The following UBAC2 variants were observed in gnomAD, a reference collection of about 807,000 sequenced individuals.
UBAC2 encodes UBA domain containing 2.
UBAC2 carries 26 observed loss-of-function variants against 44.0 expected under a neutral mutation model. The ratio of observed to expected loss-of-function variants is 0.59; its 90% CI spans 0.43 to 0.82. UBAC2 has a LOEUF of 0.82. Among genes scored for constraint, UBAC2 ranks in the 40% least tolerant of loss-of-function variants. The pLI, the probability that UBAC2 is intolerant of heterozygous loss-of-function variation, is 0.00. For missense variants in UBAC2, 329 were observed against 419.4 expected (o/e 0.78, Z 1.88); for synonymous variants, 155 against 154.3 (o/e 1.00, Z -0.04).
chr13:99,259,657 TTA>T (rs902188620), intron 4 of UBAC2, among the ~76,000 whole-genome samples: 2 of 152,338 alleles, frequency 1.3e-5, no homozygotes, highest in East Asian at 1.9e-4. Flanking sequence ...CATCAGTTTT[TTA>T]TATGTGATGT....
chr13:99,252,136 G>C (rs2043465754), intron 4 of UBAC2, among the ~76,000 whole-genome samples: 1 of 152,242 alleles, frequency 6.6e-6, no homozygotes, highest in Non-Finnish European at 1.5e-5. Flanking sequence ...TGGTCATCCA[G>C]CTTTCTTCGC....
intron 4 of UBAC2, among the ~76,000 whole-genome samples, chr13:99,256,165 T>A (rs561151086): frequency 1.8e-4 from 28 of 152,318 alleles, no homozygotes; most frequent in Admixed American, 9.8e-4. Context: ...TTTACTGAAT[T>A]GATGAATAAA....
intron 1 of UBAC2, among the ~76,000 whole-genome samples, chr13:99,235,345 G>A (rs2043221315): frequency 6.6e-6 from 1 of 152,078 alleles, no homozygotes; most frequent in Admixed American, 6.5e-5. Context: ...TTGTTAAAAT[G>A]GCAATACTAC....
rs1188120716 is a variant in UBAC2 at position 99,341,819 on chromosome 13, T to C, written c.807+1254T>C. Among the ~76,000 whole-genome samples the C allele has an allele frequency of 2.6e-5, 4 of 152,068 alleles. No homozygotes were observed. The South Asian group carries it at 8.3e-4, about 31-fold the overall frequency. On this transcript the variant is annotated intron_variant, in intron 7 of 8. Transcript: ENST00000403766. ...CAAGGTCAGAAAAACTGAGTAGTGA[T>C]TGAGTATAAAGGTAGAGGCACAGAG...
chr13:99,302,600 T>C (rs984130984), intron 4 of UBAC2, among the ~76,000 whole-genome samples: 1 of 152,186 alleles, frequency 6.6e-6, no homozygotes, highest in African/African-American at 2.4e-5. Context: ...CAACTAGTGA[T>C]TTTTCTCATC....
At chr13:99,208,547 C>A (rs1238799085) in intron 1 of UBAC2, among the ~76,000 whole-genome samples, 1 of 152,206 alleles carries the variant, frequency 6.6e-6, no homozygotes, top group Non-Finnish European at 1.5e-5. Flanking sequence ...GTGTCCAGTT[C>A]AATATATTAA....
intron 1 of UBAC2, among the ~76,000 whole-genome samples, chr13:99,233,072 C>T (rs1000338690): frequency 1.3e-5 from 2 of 151,866 alleles, no homozygotes; most frequent in African/African-American, 4.8e-5. Context: ...GCATTGGGAC[C>T]CAGAAAATTA....
rs144808865 is a variant in UBAC2 at position 99,274,587 on chromosome 13, A to G, written c.389+29963A>G. 5.6e-3 allele frequency among the ~76,000 whole-genome samples: 857 copies of G among 152,208 alleles called. 5 individuals are homozygous for G. The highest frequency in any genetic ancestry group is 9.1e-3 in the Non-Finnish European group (621 of 67,992). ...GTGATCCTCCTGCCTTGGCCTTCCA[A>G]AGTGTTAGGATTACAGGCATGAGGC... is the stretch of plus-strand genomic sequence containing the variant. On this transcript the variant is annotated intron_variant, in intron 4 of 8. Coordinates refer to ENST00000403766, the MANE Select transcript of UBAC2 (RefSeq NM_001144072.2).
intron 4 of UBAC2, among the ~76,000 whole-genome samples, chr13:99,310,883 G>A (rs573060172): frequency 1.5e-4 from 23 of 152,142 alleles, no homozygotes; most frequent in African/African-American, 2.4e-5. Context: ...CGCCTCCAAG[G>A]GCATGTTCTG....
intron 6 of UBAC2, among the ~76,000 whole-genome samples, chr13:99,331,569 T>C (rs1371907687): frequency 6.6e-6 from 1 of 152,234 alleles, no homozygotes; most frequent in Non-Finnish European, 1.5e-5. Flanking sequence ...TCATATGAGA[T>C]AGAAAAGCTA....
chr13:99,255,353 T>G (rs1473166759), intron 4 of UBAC2: 5 of 1,614,056 alleles, frequency 3.1e-6, no homozygotes, highest in Non-Finnish European at 4.2e-6. Flanking sequence ...TCAGAAATCT[T>G]GAGGCAGGTG....
chr13:99,236,777 G>T (rs576140143), intron 1 of UBAC2, among the ~76,000 whole-genome samples: 1 of 152,192 alleles, frequency 6.6e-6, no homozygotes, highest in South Asian at 2.1e-4. Flanking sequence ...TTGAATCCGG[G>T]GGGCAGAGGT....
At chr13:99,242,874 G>A (rs1324992213) in intron 2 of UBAC2, among the ~76,000 whole-genome samples, 1 of 148,134 alleles carries the variant, frequency 6.8e-6, no homozygotes, top group African/African-American at 2.5e-5. Flanking sequence ...TCCCAGACGG[G>A]GCGGCGGGGC....
intron 1 of UBAC2, among the ~76,000 whole-genome samples, chr13:99,224,479 G>A (rs545448751): frequency 3.0e-4 from 46 of 152,048 alleles, no homozygotes; most frequent in Non-Finnish European, 5.1e-4. Flanking sequence ...CTATATTTGT[G>A]GATTTATCTA....
chr13:99,354,744 T>C (rs894690583), intron 7 of UBAC2, among the ~76,000 whole-genome samples: 3 of 152,124 alleles, frequency 2.0e-5, no homozygotes, highest in African/African-American at 7.3e-5. Context: ...GGGTTTTTGG[T>C]TGAGGCAGTG....
chr13:99,210,656 T>C (rs2042928003), intron 1 of UBAC2, among the ~76,000 whole-genome samples: 4 of 152,104 alleles, frequency 2.6e-5, no homozygotes, highest in Admixed American at 2.6e-4. Context: ...TTTGTGTTTT[T>C]AGTAGAGACG....
intron 7 of UBAC2, among the ~76,000 whole-genome samples, chr13:99,350,988 A>G (rs1363522146): frequency 6.6e-6 from 1 of 152,214 alleles, no homozygotes; most frequent in East Asian, 1.9e-4. Context: ...GTGTGAGTGT[A>G]GAAAGGAAGA....
At chr13:99,254,102 A>G (rs1050440936) in intron 4 of UBAC2, among the ~76,000 whole-genome samples, 6 of 152,210 alleles carry the variant, frequency 3.9e-5, no homozygotes, top group African/African-American at 1.4e-4. Context: ...ATGGCCTGGG[A>G]AAAAAAATCA....
chr13:99,204,795 A>G (rs1341035973), intron 1 of UBAC2, among the ~76,000 whole-genome samples: 1 of 152,068 alleles, frequency 6.6e-6, no homozygotes, highest in Non-Finnish European at 1.5e-5. Context: ...TGGGACATAA[A>G]TGGAGACAGT....
Sources: allele counts gnomAD v4.1 joint callset (sites outside exome capture counted in the v4.1 genomes callset), GRCh38; gene constraint gnomAD v4.1.1; transcripts MANE v1.5; gene names NCBI Gene and HGNC (gene_info 2026-07-23, HGNC 2026-07-21).